Variants in KIF26A observed in about 807,000 individuals in gnomAD.
The protein encoded by KIF26A is kinesin family member 26A.
KIF26A carries 74 observed loss-of-function variants against 126.0 expected under a neutral mutation model. The ratio of observed to expected loss-of-function variants is 0.59; its 90% confidence interval spans 0.49 to 0.71. KIF26A has a LOEUF of 0.71. Ranked by LOEUF, KIF26A falls within the 30% of genes least tolerant of loss-of-function variation. The pLI is 0.00. For synonymous variants in KIF26A, 1,445 were observed against 1,232.7 expected (o/e 1.17, Z -3.61); for missense variants, 2,984 against 2,763.3 (o/e 1.08, Z -1.79).
intron 1 of KIF26A, 109 bp downstream of exon 1, chr14:104,138,873 A>G: frequency 8.0e-7 from 1 of 1,255,762 alleles, no homozygotes. Flanking sequence ...TGCTGAGGGT[A>G]GCGGACCCGC....
In KIF26A at chr14:104,177,064, G is replaced by A; in HGVS notation, c.4276G>A (p.Val1426Ile). Reference protein sequence around the residue: ...TSSLKARASKVEAAHRLAGHA... With the variant: ...TSSLKARASKIEAAHRLAGHA... Reference sequence around the variant, plus strand: ...CAGCCTGAAGGCCCGGGCCAGCAAGGTAGAAGCAGCACACCGTCTTGCCGG... The same window carrying A: ...CAGCCTGAAGGCCCGGGCCAGCAAGATAGAAGCAGCACACCGTCTTGCCGG... The change falls in exon 12 of 15, where the codon GTA (valine) becomes ATA (isoleucine). Residue 1426 changes from valine to isoleucine, a missense_variant. Val to Ile is a conservative substitution (Grantham distance 29). Coordinates refer to ENST00000423312, the MANE Select transcript of KIF26A (RefSeq NM_015656.2). 6.3e-7 allele frequency: 1 copy of A among 1,591,264 alleles called. No individual in the cohort carries two copies. The highest frequency in any genetic ancestry group is 8.5e-7 in the Non-Finnish European group (1 of 1,176,812).
rs1438248659 is a variant in KIF26A at position 104,178,730 on chromosome 14, C to T, written c.5291C>T (p.Pro1764Leu). 3.2e-6 allele frequency: 5 copies of T among 1,548,496 alleles called. No individual in the cohort carries two copies. Among genetic ancestry groups the T allele is most frequent in the Admixed American group, 3.9e-5 (2 of 51,754 alleles). The stretch of plus-strand genomic sequence containing the variant: ...GTGGAGCGCCTTCAGCGGCCCCGCC[C>T]CACCCCGAGGGAGGCCCCCACCCAG... ...DDVERLQRPR[P>L]TPREAPTQGL... is the part of the protein sequence containing the mutation. Residue 1764 changes from proline (P) to leucine (L), a missense_variant, in exon 13 of 15, where the codon CCC becomes CTC. Physicochemically the swap from Pro to Leu is moderately conservative, Grantham distance 98. Coordinates refer to ENST00000423312, the MANE Select transcript of KIF26A (RefSeq NM_015656.2).
At chr14:104,174,841 T>C in intron 11 of KIF26A, 141 bp from the exon 12 acceptor site, 1 of 860,362 alleles carries the variant, frequency 1.2e-6, no homozygotes, top group East Asian at 2.7e-5. Context: ...GCTCCCAGCG[T>C]TTGGTGGGAC....
chr14:104,161,637 C>T (rs899506049), intron 4 of KIF26A, among the ~76,000 whole-genome samples: 6 of 152,338 alleles, frequency 3.9e-5, no homozygotes, highest in Middle Eastern at 3.4e-3. Flanking sequence ...CGTTCATCCT[C>T]GCTCACGCGT....
intron 11 of KIF26A, 65 bp from the exon 12 acceptor site, chr14:104,174,917 A>T: frequency 1.3e-5 from 18 of 1,437,798 alleles, no homozygotes; most frequent in Non-Finnish European, 1.6e-5. Flanking sequence ...TGCTCTGGGG[A>T]GGGTCGGGGA....
intron 13 of KIF26A, 137 bp from the exon 14 acceptor site, chr14:104,179,099 C>T (rs1278873398): frequency 2.8e-6 from 3 of 1,068,026 alleles, no homozygotes; most frequent in African/African-American, 1.7e-5. Context: ...AGGTCCGCCC[C>T]CTGCCCGCCC....
chr14:104,165,745 GTGTC>G (rs1252136662), intron 4 of KIF26A, among the ~76,000 whole-genome samples: 1 of 151,236 alleles, frequency 6.6e-6, no homozygotes, highest in African/African-American at 2.4e-5. Context: ...ATGCATATGT[GTGTC>G]TGTGTTTCTG....
chr14:104,177,895 A>G lies in KIF26A; in HGVS notation c.5107A>G (p.Thr1703Ala). ...CCTCAAGTCCCCCAAGAAGAGGGCC[A>G]CAGGTGGGTGCAGAGGTGCACAGCC... ...RSLKSPKKRA[T>A]GLQRRRLIPA... The change falls in exon 12 of 15, where the codon ACA becomes GCA. Residue 1703 changes from threonine to alanine, a missense_variant. Transcript: ENST00000423312. The G allele has an allele frequency of 6.5e-7, 1 of 1,532,006 alleles. No homozygotes were observed. The highest frequency in any genetic ancestry group is 1.3e-5 in the South Asian group (1 of 79,912). The allele number at this position is 1,532,006 out of a possible 1,614,324, so 94.9% of individuals were successfully genotyped here.
Position 104,152,085 on chromosome 14 carries a change from A to T in KIF26A, c.359A>T (p.Glu120Val). 6.2e-7 allele frequency: 1 copy of T among 1,612,548 alleles called. No individual in the cohort carries two copies. Among genetic ancestry groups the T allele is most frequent in the Non-Finnish European group, 8.5e-7 (1 of 1,179,758 alleles). ...APGALPACRP[E>V]AERRCDVCAT... ...GGGGCCCTGCCAGCCTGTCGCCCAG[A>T]GGCCGAGCGCCGCTGTGACGTCTGC... Residue 120 changes from glutamate (E) to valine (V), a missense_variant, in exon 3 of 15, where the codon GAG becomes GTG. Physicochemically the swap from Glu to Val is moderately radical, Grantham distance 121. Transcript: ENST00000423312. This position sits in a 1 kb window ranked among gnomAD's most constrained non-coding sequence, Gnocchi z 5.9.
chr14:104,166,610 T>C (rs2037905571), intron 4 of KIF26A, among the ~76,000 whole-genome samples: 1 of 152,072 alleles, frequency 6.6e-6, no homozygotes, highest in South Asian at 2.1e-4. Context: ...CCTGTGTGGG[T>C]CTGGACCCTG....
Position 104,142,066 on chromosome 14 carries a change from A to G in KIF26A, c.288+2778A>G, listed in dbSNP as rs558442303. Among the ~76,000 whole-genome samples the G allele has an allele frequency of 1.3e-3, 203 of 152,070 alleles. 1 individual carries two copies. The highest frequency in any genetic ancestry group is 2.4e-3 in the Admixed American group (36 of 15,288). On this transcript the variant is annotated intron_variant, in intron 2 of 14. Coordinates refer to ENST00000423312, the MANE Select transcript of KIF26A (RefSeq NM_015656.2). Reference sequence around the variant, plus strand: ...CTTGCTGTGTGCTCTTGTCTGCCTGAGCCTGTCTCAGTTCCCTTGTCTGGG... The same window carrying G: ...CTTGCTGTGTGCTCTTGTCTGCCTGGGCCTGTCTCAGTTCCCTTGTCTGGG...
At chr14:104,169,561 G>A (rs930899649) in intron 5 of KIF26A, among the ~76,000 whole-genome samples, 4 of 152,204 alleles carry the variant, frequency 2.6e-5, no homozygotes, top group South Asian at 4.1e-4. Context: ...CCAGCTCCCC[G>A]GGTGTTATTA....
In KIF26A at chr14:104,179,371, C is replaced by T. The variant is rs781318230; in HGVS notation, c.5452C>T (p.Arg1818Cys). 121 of 1,528,954 alleles carry T rather than the reference C, an allele frequency of 7.9e-5. No homozygotes were observed. The highest frequency in any genetic ancestry group is 5.6e-4 in the African/African-American group (41 of 72,624). 94.7% of individuals were successfully genotyped at this position (1,528,954 alleles called of 1,614,324 possible). A position where few individuals can be genotyped will look rare whatever the true frequency, so the allele number is the denominator to read the frequency against. ...TQGRLMLEPG[R>C]WLEQFEVDPE... ...GGGCCGGCTGATGCTGGAGCCTGGCCGCTGGCTGGAGCAGTGTGAGTCCCG... is the reference window on the plus strand; with the variant it reads ...GGGCCGGCTGATGCTGGAGCCTGGCTGCTGGCTGGAGCAGTGTGAGTCCCG... Residue 1818 changes from arginine (R) to cysteine (C), a missense_variant, in exon 14 of 15, where the codon CGC becomes TGC. By Grantham distance (180) the Arg-to-Cys change is radical. Coordinates refer to ENST00000423312, the MANE Select transcript of KIF26A (RefSeq NM_015656.2).
At chr14:104,172,898 T>C in intron 7 of KIF26A, 79 bp from the exon 8 acceptor site, 1 of 1,449,372 alleles carries the variant, frequency 6.9e-7, no homozygotes, top group South Asian at 1.4e-5. Context: ...GTGCCCCTGG[T>C]TGGCCCCCGG....
chr14:104,176,444 C>T lies in KIF26A; in HGVS notation c.3656C>T (p.Ala1219Val). The T allele has an allele frequency of 6.2e-7, 1 of 1,601,108 alleles. No homozygotes were observed. The highest frequency in any genetic ancestry group is 8.5e-7 in the Non-Finnish European group (1 of 1,173,650). Residue 1219 changes from alanine (A) to valine (V), a missense_variant, in exon 12 of 15, where the codon GCC (alanine) becomes GTC (valine). By Grantham distance (64) the Ala-to-Val change is moderately conservative. Transcript: ENST00000423312. ...SLPRKPRTAS[A>V]TTRVGCARLG... ...CCCCGGAAACCGAGGACTGCCTCTG[C>T]CACCACCCGTGTGGGCTGTGCTCGC...
At chr14:104,178,024 C>A in intron 12 of KIF26A, 126 bp downstream of exon 12, 3 of 1,105,500 alleles carry the variant, frequency 2.7e-6, no homozygotes, top group Non-Finnish European at 3.6e-6. Context: ...AGGTCCCAGA[C>A]CCACACAGCC....
intron 4 of KIF26A, among the ~76,000 whole-genome samples, chr14:104,158,912 C>T (rs1012382738): frequency 4.6e-5 from 7 of 152,202 alleles, no homozygotes; most frequent in Admixed American, 2.6e-4. Flanking sequence ...CAGGCCCAGC[C>T]GCGGGTCAGT....
chr14:104,158,075 T>A, intron 4 of KIF26A, 133 bp downstream of exon 4: 1 of 864,714 alleles, frequency 1.2e-6, no homozygotes, highest in Non-Finnish European at 1.7e-6. Flanking sequence ...GATGGGGAGC[T>A]GCTCCGACCA....
Position 104,152,056 on chromosome 14 carries a change from ACCTGGGGC to A in KIF26A, c.335_342del (p.Gly112AlafsTer12), listed in dbSNP as rs1468339387. The stretch of plus-strand genomic sequence containing the variant: ...CCCTGCTTCTCGACAAGCTACCAGC[ACCTGGGGC>A]CCTGCCAGCCTGTCGCCCAGAGGCC... On this transcript the variant is annotated frameshift_variant, in exon 3 of 15. Transcript: ENST00000423312. LOFTEE classifies it high-confidence loss of function. This position sits in a 1 kb window ranked among gnomAD's most constrained non-coding sequence, Gnocchi z 5.9. 1 of 1,612,368 alleles carries A rather than the reference ACCTGGGGC, an allele frequency of 6.2e-7. No individual in the cohort carries two copies. Among genetic ancestry groups the A allele is most frequent in the Non-Finnish European group, 8.5e-7 (1 of 1,179,722 alleles).
Sources: allele counts gnomAD v4.1 joint callset (sites outside exome capture counted in the v4.1 genomes callset), GRCh38; gene constraint gnomAD v4.1.1; non-coding constraint Gnocchi (gnomAD v3.1); transcripts MANE v1.5; gene names NCBI Gene and HGNC (gene_info 2026-07-23, HGNC 2026-07-21).